The following PCSK6 variants were observed in gnomAD, a reference collection of about 807,000 sequenced individuals.
PCSK6 encodes paired basic amino acid cleaving enzyme 4.
Under a neutral mutation model 123.3 loss-of-function variants are expected in PCSK6, and 85 were observed. The observed-to-expected ratio is 0.69, with a 90% CI of 0.58 to 0.83. The LOEUF is 0.83. Among genes scored for constraint, PCSK6 ranks in the 40% least tolerant of loss-of-function variants. PCSK6 has a pLI of 0.00. For synonymous variants in PCSK6, 508 were observed against 516.0 expected (o/e 0.98, Z 0.21); for missense variants, 1,191 against 1,282.3 (o/e 0.93, Z 1.09).
In PCSK6 at chr15:101,485,535, T is replaced by C. The variant is rs1340872792; in HGVS notation, c.297+3839A>G. On this transcript the variant is annotated intron_variant, in intron 1 of 21. Coordinates refer to ENST00000611716, the MANE Select transcript of PCSK6 (RefSeq NM_002570.5). ...CACTGCAGCTCTTTCTAAAGTTTTATATACAGTCTTTAATCCCATCTGGAA... is the reference window on the plus strand; with the variant it reads ...CACTGCAGCTCTTTCTAAAGTTTTACATACAGTCTTTAATCCCATCTGGAA... 3.9e-5 allele frequency among the ~76,000 whole-genome samples: 6 copies of C among 152,238 alleles called. No homozygotes were observed. The South Asian group carries it at 1.2e-3, about 32-fold the overall frequency.
intron 6 of PCSK6, among the ~76,000 whole-genome samples, chr15:101,402,849 G>T (rs1187633983): frequency 1.3e-5 from 2 of 152,108 alleles, no homozygotes; most frequent in Non-Finnish European, 2.9e-5. Context: ...CAACCATTGT[G>T]GAAGACAGTG....
chr15:101,400,406 C>A (rs1044628556), intron 6 of PCSK6, among the ~76,000 whole-genome samples: 6 of 152,244 alleles, frequency 3.9e-5, no homozygotes, highest in African/African-American at 1.4e-4. Context: ...CCCCACCTTA[C>A]CCATACTAGT....
At position 101,399,447 on chromosome 15, in the gene PCSK6, G is replaced by C. The variant is rs982539669; in HGVS notation, c.824-871C>G. 2.0e-5 allele frequency among the ~76,000 whole-genome samples: 3 copies of C among 152,264 alleles called. No homozygotes were observed. The East Asian group carries it at 5.8e-4, about 29-fold the overall frequency. On this transcript the variant is annotated intron_variant, in intron 6 of 21. Coordinates refer to ENST00000611716, the MANE Select transcript of PCSK6 (RefSeq NM_002570.5). Reference sequence around the variant, plus strand: ...TTTGGGTTCTATGTTCCCTGGAGGGGTCTTTAGAGGTGGAGAGTCCAGCTT... The same window carrying C: ...TTTGGGTTCTATGTTCCCTGGAGGGCTCTTTAGAGGTGGAGAGTCCAGCTT...
intron 2 of PCSK6, among the ~76,000 whole-genome samples, chr15:101,443,119 A>G (rs2056798414): frequency 6.6e-6 from 1 of 152,260 alleles, no homozygotes; most frequent in Admixed American, 6.5e-5. Context: ...CTCCTTTCAA[A>G]TCGCATTTGT....
intron 6 of PCSK6, among the ~76,000 whole-genome samples, chr15:101,404,307 C>T (rs2042703741): frequency 6.6e-6 from 1 of 152,162 alleles, no homozygotes; most frequent in Non-Finnish European, 1.5e-5. Context: ...ACCTCTAGGC[C>T]CAGCTCACAT....
chr15:101,368,273 C>T (rs192132957), intron 12 of PCSK6, among the ~76,000 whole-genome samples: 2 of 152,278 alleles, frequency 1.3e-5, no homozygotes, highest in Admixed American at 1.3e-4. Flanking sequence ...GGAAACAGGG[C>T]CCCAGGGGAG....
intron 1 of PCSK6, chr15:101,462,986 G>A: frequency 2.2e-6 from 1 of 456,198 alleles, no homozygotes; most frequent in Admixed American, 2.3e-5. Flanking sequence ...TGCAGAGGAG[G>A]GCCGTTTCCT....
Position 101,327,911 on chromosome 15 carries a change from G to A in PCSK6, c.2078-1432C>T, listed in dbSNP as rs117004416. 6.6e-3 allele frequency among the ~76,000 whole-genome samples: 1,003 copies of A among 152,080 alleles called. 6 individuals carry two copies. Among genetic ancestry groups the A allele is most frequent in the Non-Finnish European group, 0.011 (737 of 67,954 alleles). The stretch of plus-strand genomic sequence containing the variant: ...GACACTCTAGATGCTGTTCCTGGGC[G>A]GTGCTGGTATCCTGGGTTCCAGATG... On this transcript the variant is annotated intron_variant, in intron 15 of 21. Transcript: ENST00000611716.
chr15:101,352,951 G>A (rs118018113), intron 13 of PCSK6, among the ~76,000 whole-genome samples: 157 of 152,298 alleles, frequency 1.0e-3, no homozygotes, highest in Non-Finnish European at 1.7e-3. Context: ...TTCTACTGCA[G>A]TGGTTCCCAA....
At chr15:101,472,033 T>TTA (rs1555464582) in intron 1 of PCSK6, among the ~76,000 whole-genome samples, 2 of 151,722 alleles carry the variant, frequency 1.3e-5, no homozygotes, top group Non-Finnish European at 2.9e-5. Flanking sequence ...GAAATTGTGA[T>TTA]AAAAAAAAGC....
chr15:101,310,015 C>T (rs532089582), intron 20 of PCSK6, among the ~76,000 whole-genome samples: 1 of 152,354 alleles, frequency 6.6e-6, no homozygotes, highest in African/African-American at 2.4e-5. Flanking sequence ...GCCACATGCT[C>T]CCTCGGAGCT....
chr15:101,305,242 G>C lies in PCSK6; in HGVS notation c.*16C>G. On this transcript the variant is annotated 3_prime_UTR_variant, in exon 22 of 22. Coordinates refer to ENST00000611716, the MANE Select transcript of PCSK6 (RefSeq NM_002570.5). This position sits in a 1 kb window ranked among gnomAD's most constrained non-coding sequence, Gnocchi z 4.8. ...ATGGATGGGAGTGCCTGCCCTCTGT[G>C]GGCAGCTAGGCACCCTTACCCGGCC... is the stretch of plus-strand genomic sequence containing the variant. The C allele has an allele frequency of 6.3e-7, 1 of 1,596,938 alleles. No homozygotes were observed. Among genetic ancestry groups the C allele is most frequent in the Non-Finnish European group, 8.5e-7 (1 of 1,170,198 alleles).
At chr15:101,406,008 G>T (rs1250375896) in intron 6 of PCSK6, among the ~76,000 whole-genome samples, 1 of 152,188 alleles carries the variant, frequency 6.6e-6, no homozygotes, top group Non-Finnish European at 1.5e-5. Flanking sequence ...CTCCCAAAGT[G>T]CTGGGATTAC....
chr15:101,471,025 C>T (rs1185932170), intron 1 of PCSK6, among the ~76,000 whole-genome samples: 1 of 152,172 alleles, frequency 6.6e-6, no homozygotes, highest in Non-Finnish European at 1.5e-5. Context: ...ATCTCTCCTC[C>T]TTCTCTCTCC....
chr15:101,486,392 T>C (rs989441392), intron 1 of PCSK6, among the ~76,000 whole-genome samples: 3 of 152,250 alleles, frequency 2.0e-5, no homozygotes, highest in Admixed American at 1.3e-4. Context: ...TCTTCTCAGA[T>C]GTGCTGCCAT....
chr15:101,386,733 G>C (rs1001333793), intron 9 of PCSK6, among the ~76,000 whole-genome samples: 1 of 152,112 alleles, frequency 6.6e-6, no homozygotes, highest in Non-Finnish European at 1.5e-5. Context: ...TGATCTCTTC[G>C]TCCATCATGG....
rs180814735 is a variant in PCSK6 at position 101,417,048 on chromosome 15, G to A, written c.823+10844C>T. On this transcript the variant is annotated intron_variant, in intron 6 of 21. Transcript: ENST00000611716. Reference sequence around the variant, plus strand: ...CCACCATCCTCCAGACCCCAGAATAGTAGATCCACTGGCAGCTTGTACCAT... The same window carrying A: ...CCACCATCCTCCAGACCCCAGAATAATAGATCCACTGGCAGCTTGTACCAT... Among the ~76,000 whole-genome samples the A allele has an allele frequency of 1.6e-3, 240 of 152,324 alleles. 1 individual carries two copies. Among genetic ancestry groups the A allele is most frequent in the Middle Eastern group, 3.4e-3 (1 of 294 alleles).
At chr15:101,450,204 G>A (rs773774138) in intron 1 of PCSK6, among the ~76,000 whole-genome samples, 4 of 151,400 alleles carry the variant, frequency 2.6e-5, no homozygotes, top group Non-Finnish European at 5.9e-5. Flanking sequence ...TGGCCTCTTA[G>A]TCTCTCCCGT....
At chr15:101,369,106 C>T (rs907890523) in intron 12 of PCSK6, among the ~76,000 whole-genome samples, 10 of 152,120 alleles carry the variant, frequency 6.6e-5, no homozygotes, top group Non-Finnish European at 1.5e-5. Flanking sequence ...TTCCAGTGCA[C>T]CGAGGACAAA....
Sources: gnomAD v4.1 joint callset for allele counts (sites outside exome capture counted in the v4.1 genomes callset) on GRCh38, gnomAD v4.1.1 for gene constraint, Gnocchi (gnomAD v3.1) non-coding constraint, MANE v1.5 for transcripts, NCBI Gene and HGNC (gene_info 2026-07-23, HGNC 2026-07-21) for gene names.